The following ARHGAP26 variants were observed in gnomAD, a reference collection of about 807,000 sequenced individuals.
The protein encoded by ARHGAP26 is rho GTPase-activating protein 26.
In ARHGAP26, 38 loss-of-function variants were observed where a neutral mutation model predicts 104.8. That is an observed-to-expected ratio of 0.36 (90% CI 0.28 to 0.48). ARHGAP26 has a LOEUF of 0.48. Among genes scored for constraint, ARHGAP26 ranks in the 20% least tolerant of loss-of-function variants. The probability of loss-of-function intolerance (pLI) is 0.99; values close to 1 mark genes in which losing one functional copy is unlikely to be tolerated. For missense variants in ARHGAP26, 704 were observed against 947.9 expected (o/e 0.74, Z 3.38); for synonymous variants, 341 against 340.0 (o/e 1.00, Z -0.03).
intron 1 of ARHGAP26, among the ~76,000 whole-genome samples, chr5:142,817,305 ACAGTGG>A (rs1377394834): frequency 6.6e-6 from 1 of 152,176 alleles, no homozygotes; most frequent in Non-Finnish European, 1.5e-5. Context: ...TTGGCAAGGG[ACAGTGG>A]CGAGTGCCAC....
chr5:142,975,487 A>T (rs922993160), intron 11 of ARHGAP26, among the ~76,000 whole-genome samples: 6 of 149,056 alleles, frequency 4.0e-5, no homozygotes, highest in African/African-American at 1.6e-4. Context: ...AAACCATCAG[A>T]TTAAATGACC....
intron 14 of ARHGAP26, among the ~76,000 whole-genome samples, chr5:143,049,278 A>G (rs1425582101): frequency 6.6e-6 from 1 of 152,152 alleles, no homozygotes; most frequent in East Asian, 1.9e-4. Context: ...AAATTCTCAA[A>G]CTTGTCCTCC....
intron 6 of ARHGAP26, among the ~76,000 whole-genome samples, chr5:142,898,169 C>T (rs1346128971): frequency 9.2e-6 from 1 of 108,328 alleles, no homozygotes; most frequent in Admixed American, 8.5e-5. Flanking sequence ...TATATACACA[C>T]ACACATACAC....
At chr5:143,149,277 A>G (rs1194098902) in intron 20 of ARHGAP26, among the ~76,000 whole-genome samples, 1 of 152,068 alleles carries the variant, frequency 6.6e-6, no homozygotes, top group East Asian at 1.9e-4. Context: ...TGTGCCTCCA[A>G]CAAGACCACT....
chr5:143,073,428 G>A (rs541085982), intron 17 of ARHGAP26, among the ~76,000 whole-genome samples: 20 of 152,238 alleles, frequency 1.3e-4, no homozygotes, highest in Non-Finnish European at 2.1e-4. Flanking sequence ...CTGAGGTAAA[G>A]GAATGGGTCA....
intron 11 of ARHGAP26, among the ~76,000 whole-genome samples, chr5:143,003,939 C>T (rs909490011): frequency 1.4e-5 from 2 of 146,584 alleles, no homozygotes; most frequent in East Asian, 4.2e-4. Context: ...GAACAATTTG[C>T]GAATTGGGCA....
At position 143,001,529 on chromosome 5, in the gene ARHGAP26, A is replaced by C. The variant is rs374749733; in HGVS notation, c.1108-12551A>C. ...TAGAATGGAGGTGATGGGTATATGCATGTTTACTGTCTCTTCTTTCATCTT... is the reference window on the plus strand; with the variant it reads ...TAGAATGGAGGTGATGGGTATATGCCTGTTTACTGTCTCTTCTTTCATCTT... On this transcript the variant is annotated intron_variant, in intron 11 of 22. Coordinates refer to ENST00000645722, the MANE Select transcript of ARHGAP26 (RefSeq NM_001135608.3). Among the ~76,000 whole-genome samples the C allele has an allele frequency of 3.9e-5, 6 of 152,242 alleles. No homozygotes were observed. In the East Asian group the frequency reaches 1.2e-3, roughly 29 times the overall value.
chr5:142,822,098 A>T (rs947159357), intron 1 of ARHGAP26, among the ~76,000 whole-genome samples: 3 of 152,196 alleles, frequency 2.0e-5, no homozygotes, highest in Admixed American at 6.5e-5. Context: ...TGGCTTCTCA[A>T]CTTGTCATGA....
At chr5:142,834,231 A>G (rs1186629738) in intron 1 of ARHGAP26, among the ~76,000 whole-genome samples, 1 of 152,218 alleles carries the variant, frequency 6.6e-6, no homozygotes, top group Non-Finnish European at 1.5e-5. Flanking sequence ...ATTATCACAC[A>G]GTGAATACAC....
intron 11 of ARHGAP26, among the ~76,000 whole-genome samples, chr5:142,941,795 GT>G (rs1766394180): frequency 6.6e-6 from 1 of 152,166 alleles, no homozygotes; most frequent in African/African-American, 2.4e-5. Context: ...ATTGTTTTAT[GT>G]TAGAGAGTTG....
At chr5:143,109,396 T>G (rs1008115889) in intron 17 of ARHGAP26, among the ~76,000 whole-genome samples, 20 of 152,224 alleles carry the variant, frequency 1.3e-4, no homozygotes, top group African/African-American at 4.6e-4. Flanking sequence ...TTGAATTCTC[T>G]TATTGGGTTT....
chr5:143,099,023 G>GA (rs1288552473), intron 17 of ARHGAP26, among the ~76,000 whole-genome samples: 1 of 152,098 alleles, frequency 6.6e-6, no homozygotes, highest in African/African-American at 2.4e-5. Flanking sequence ...ACACAATGCT[G>GA]AAAAAAGGTC....
At chr5:143,079,489 G>A (rs3756379) in intron 17 of ARHGAP26, among the ~76,000 whole-genome samples, 8,584 of 152,246 alleles carry the variant, frequency 0.056, 672 homozygotes, top group African/African-American at 0.17. Context: ...AGAGTTAACG[G>A]TGCTGTGCAG....
intron 22 of ARHGAP26, among the ~76,000 whole-genome samples, chr5:143,219,674 A>G (rs1254896023): frequency 6.6e-6 from 1 of 152,236 alleles, no homozygotes; most frequent in Non-Finnish European, 1.5e-5. Flanking sequence ...CTCTATTAGT[A>G]AATGACAATT....
intron 11 of ARHGAP26, among the ~76,000 whole-genome samples, chr5:142,973,585 T>C (rs1452144508): frequency 6.6e-6 from 1 of 152,212 alleles, no homozygotes. Context: ...GTTTTATTTT[T>C]AAAATAACAG....
At chr5:142,892,175 A>G (rs1244499828) in intron 5 of ARHGAP26, among the ~76,000 whole-genome samples, 2 of 151,970 alleles carry the variant, frequency 1.3e-5, no homozygotes, top group East Asian at 3.8e-4. Flanking sequence ...GCCTTTTCTG[A>G]GATTCCCTGC....
At chr5:142,790,042 TA>T (rs1378457155) in intron 1 of ARHGAP26, among the ~76,000 whole-genome samples, 1 of 152,246 alleles carries the variant, frequency 6.6e-6, no homozygotes, top group African/African-American at 2.4e-5. Context: ...TATTGTACTC[TA>T]GCTGTATGGT....
chr5:143,114,949 G>A (rs986226597), intron 17 of ARHGAP26, among the ~76,000 whole-genome samples: 1 of 152,188 alleles, frequency 6.6e-6, no homozygotes, highest in Admixed American at 6.5e-5. Context: ...TTGGTGTCAT[G>A]AAGGCAGAGT....
chr5:142,797,188 C>G (rs1488872970), intron 1 of ARHGAP26, among the ~76,000 whole-genome samples: 1 of 152,188 alleles, frequency 6.6e-6, no homozygotes, highest in East Asian at 1.9e-4. Context: ...TATCATTTCT[C>G]TGATCCCTAA....
Sources: gnomAD v4.1 joint callset for allele counts (sites outside exome capture counted in the v4.1 genomes callset) on GRCh38, gnomAD v4.1.1 for gene constraint, MANE v1.5 for transcripts, NCBI Gene and HGNC (gene_info 2026-07-23, HGNC 2026-07-21) for gene names.